INPP4B: variants seen among roughly 807,000 people sequenced by gnomAD.
INPP4B encodes the protein inositol polyphosphate-4-phosphatase type II B, also known as inositol polyphosphate 4-phosphatase type II.
A neutral mutation model predicts 122.5 loss-of-function variants in INPP4B; 55 were observed. The observed-to-expected ratio is 0.45, with a 90% CI of 0.36 to 0.56. INPP4B has a LOEUF of 0.56. Ranked by LOEUF, INPP4B falls within the 20% of genes least tolerant of loss-of-function variation. The probability of loss-of-function intolerance (pLI) is 0.00; values close to 1 mark genes in which losing one functional copy is unlikely to be tolerated. For synonymous variants in INPP4B, 403 were observed against 388.7 expected, an observed-to-expected ratio of 1.04 and a Z score of -0.43; for missense variants, 1,000 against 1,097.7, an observed-to-expected ratio of 0.91 and a Z score of 1.26.
chr4:142,778,003 C>T (rs1013761666), intron 1 of INPP4B, among the ~76,000 whole-genome samples: 6 of 152,128 alleles, frequency 3.9e-5, no homozygotes, highest in Non-Finnish European at 8.8e-5. Context: ...GTTTGGGGCC[C>T]ATCTAAGAAC....
intron 12 of INPP4B, among the ~76,000 whole-genome samples, chr4:142,209,372 G>GT (rs577056629): frequency 6.6e-6 from 1 of 152,222 alleles, no homozygotes; most frequent in South Asian, 2.1e-4. Context: ...AGATGGCTAA[G>GT]TTTTTAAGTT....
intron 12 of INPP4B, among the ~76,000 whole-genome samples, chr4:142,215,011 T>G (rs1481696493): frequency 6.6e-6 from 1 of 152,240 alleles, no homozygotes; most frequent in African/African-American, 2.4e-5. Context: ...GTTATTCCAC[T>G]GTAATTATTA....
intron 8 of INPP4B, among the ~76,000 whole-genome samples, chr4:142,313,178 G>A (rs1766206266): frequency 2.0e-5 from 3 of 151,136 alleles, no homozygotes; most frequent in African/African-American, 4.9e-5. Context: ...CCAAGAACAT[G>A]AGTGAGAGAA....
chr4:142,410,716 G>A (rs1240018852), intron 5 of INPP4B, among the ~76,000 whole-genome samples: 3 of 152,014 alleles, frequency 2.0e-5, no homozygotes, highest in African/African-American at 7.2e-5. Context: ...TCTGCAAAAT[G>A]GAAGTAAAAG....
At chr4:142,345,633 C>T (rs181260642) in intron 7 of INPP4B, among the ~76,000 whole-genome samples, 3 of 152,022 alleles carry the variant, frequency 2.0e-5, no homozygotes, top group Admixed American at 2.0e-4. Flanking sequence ...GCGTAGTATC[C>T]GAGCAGAGCT....
intron 7 of INPP4B, among the ~76,000 whole-genome samples, chr4:142,368,283 C>T (rs1182193400): frequency 6.6e-6 from 1 of 152,026 alleles, no homozygotes; most frequent in South Asian, 2.1e-4. Context: ...TAGTTCCAAA[C>T]ATTGAGTTTA....
At chr4:142,269,127 C>T (rs1039552493) in intron 10 of INPP4B, among the ~76,000 whole-genome samples, 1 of 152,158 alleles carries the variant, frequency 6.6e-6, no homozygotes, top group Non-Finnish European at 1.5e-5. Context: ...CACCCTGAGC[C>T]AAACACGTAA....
At chr4:142,701,363 G>T (rs1021567171) in intron 2 of INPP4B, among the ~76,000 whole-genome samples, 28 of 151,930 alleles carry the variant, frequency 1.8e-4, no homozygotes, top group Non-Finnish European at 1.8e-4. Flanking sequence ...AATGAGGAAG[G>T]TCAACTCTAA....
chr4:142,243,935 A>G (rs535671283), intron 11 of INPP4B, among the ~76,000 whole-genome samples: 1 of 151,830 alleles, frequency 6.6e-6, no homozygotes, highest in Non-Finnish European at 1.5e-5. Flanking sequence ...ATTATACTTT[A>G]AGTTCTGGGA....
chr4:142,136,124 A>T (rs183894562), intron 18 of INPP4B, among the ~76,000 whole-genome samples: 1 of 151,996 alleles, frequency 6.6e-6, no homozygotes. Context: ...CTTTTTTGCC[A>T]TACTCCCTTG....
chr4:142,402,970 CTGTT>C lies in INPP4B; in HGVS notation c.336_339del (p.Thr113SerfsTer43). ...TGAGACTTATCCTTGACATCATAGACTGTTAGTTTTATTTTGGTCTCCTCATAGA... is the reference window on the plus strand; with the variant it reads ...TGAGACTTATCCTTGACATCATAGACAGTTTTATTTTGGTCTCCTCATAGA... On this transcript the variant is annotated frameshift_variant, in exon 7 of 26. Coordinates refer to ENST00000262992, the MANE Select transcript of INPP4B (RefSeq NM_001101669.3). LOFTEE classifies it high-confidence loss of function. 2 of 1,589,520 alleles carry C rather than the reference CTGTT, an allele frequency of 1.3e-6. No homozygotes were observed. Among genetic ancestry groups the C allele is most frequent in the Non-Finnish European group, 1.7e-6 (2 of 1,157,494 alleles).
At chr4:142,771,103 T>G (rs1441362460) in intron 1 of INPP4B, among the ~76,000 whole-genome samples, 1 of 151,954 alleles carries the variant, frequency 6.6e-6, no homozygotes, top group African/African-American at 2.4e-5. Context: ...TCTGAGGACT[T>G]GAAGGGGAAG....
At chr4:142,671,371 A>G (rs1756969110) in intron 2 of INPP4B, among the ~76,000 whole-genome samples, 1 of 152,152 alleles carries the variant, frequency 6.6e-6, no homozygotes, top group African/African-American at 2.4e-5. Context: ...TCATCTCAAT[A>G]TAGTCCTATG....
At chr4:142,237,655 G>C (rs1054262510) in intron 12 of INPP4B, among the ~76,000 whole-genome samples, 3 of 151,578 alleles carry the variant, frequency 2.0e-5, no homozygotes, top group East Asian at 3.9e-4. Flanking sequence ...GTTATCTATA[G>C]AAATAGATAA....
At chr4:142,537,429 T>TAGAGAGAGAGAGAGAGAG (rs1157643466) in intron 2 of INPP4B, among the ~76,000 whole-genome samples, 2 of 25,456 alleles carry the variant, frequency 7.9e-5, no homozygotes, top group African/African-American at 1.2e-4. Flanking sequence ...TATATATATA[T>TAGAGAGAGAGAGAGAGAG]AGAGAGAGAG....
chr4:142,092,293 T>C (rs1779904327), intron 23 of INPP4B, among the ~76,000 whole-genome samples: 1 of 152,122 alleles, frequency 6.6e-6, no homozygotes, highest in East Asian at 1.9e-4. Flanking sequence ...TTGTTTTTTG[T>C]TTGCTTTTGT....
At chr4:142,767,132 G>A (rs1265837963) in intron 1 of INPP4B, among the ~76,000 whole-genome samples, 1 of 152,104 alleles carries the variant, frequency 6.6e-6, no homozygotes, top group Non-Finnish European at 1.5e-5. Context: ...CCTCCAATGT[G>A]AGATTTTAAA....
chr4:142,562,071 T>C (rs1730596555), intron 2 of INPP4B, among the ~76,000 whole-genome samples: 1 of 152,136 alleles, frequency 6.6e-6, no homozygotes, highest in African/African-American at 2.4e-5. Flanking sequence ...AAAAGGGCAG[T>C]TCTGACCTAG....
chr4:142,796,868 ATG>A (rs34860975), intron 1 of INPP4B, among the ~76,000 whole-genome samples: 16,770 of 104,944 alleles, frequency 0.16, 878 homozygotes, highest in Non-Finnish European at 0.19. Context: ...CGGAAAACAG[ATG>A]TGTGTGTGTG....
Sources: allele counts gnomAD v4.1 joint callset (sites outside exome capture counted in the v4.1 genomes callset), GRCh38; gene constraint gnomAD v4.1.1; transcripts MANE v1.5; gene names NCBI Gene and HGNC (gene_info 2026-07-23, HGNC 2026-07-21).